WRN: variants seen among roughly 807,000 people sequenced by gnomAD.
The protein encoded by WRN is WRN RecQ like helicase.
Under a neutral mutation model 180.7 loss-of-function variants are expected in WRN, and 149 were observed. The observed-to-expected ratio is 0.82, with a 90% CI of 0.72 to 0.94. WRN has a LOEUF of 0.94. Among genes scored for constraint, WRN ranks in the 40% least tolerant of loss-of-function variants. WRN has a pLI of 0.00. For missense variants in WRN, 1,661 were observed against 1,700.1 expected (o/e 0.98, Z 0.40); for synonymous variants, 548 against 568.9 (o/e 0.96, Z 0.52).
chr8:31,059,094 G>A (rs1812384188), intron 2 of WRN, 59 bp from the exon 3 acceptor site: 7 of 1,241,120 alleles, frequency 5.6e-6, no homozygotes, highest in Admixed American at 3.4e-5. Context: ...TATTATTTCA[G>A]TGAACATTTG....
intron 11 of WRN, among the ~76,000 whole-genome samples, chr8:31,085,465 C>T: frequency 6.6e-6 from 1 of 150,554 alleles, no homozygotes. Flanking sequence ...TTCTTTGTTC[C>T]TTCTTTTTTT....
Position 31,133,527 on chromosome 8 carries a change from TA to T in WRN, c.2967+1034del, listed in dbSNP as rs991410578. ...GCGACAGAGCAAGATTCTGTCTCAA[TA>T]AAAAAAAAAAAAGAAACATATTTAT... On this transcript the variant is annotated intron_variant, in intron 24 of 34. Transcript: ENST00000298139. Among the ~76,000 whole-genome samples, 209 of 138,808 alleles carry T rather than the reference TA, an allele frequency of 1.5e-3. 1 individual carries two copies. Among genetic ancestry groups the T allele is most frequent in the Admixed American group, 1.9e-3 (26 of 13,806 alleles). The allele number at this position is 138,808 out of a possible 152,430, so 91.1% of individuals were successfully genotyped here. A position where few individuals can be genotyped will look rare whatever the true frequency, so the allele number is the denominator to read the frequency against.
intron 34 of WRN, among the ~76,000 whole-genome samples, chr8:31,168,363 C>T (rs929168739): frequency 1.1e-4 from 16 of 152,084 alleles, no homozygotes; most frequent in South Asian, 4.1e-4. Context: ...GTATAGAAAA[C>T]GGTGTAACTT....
intron 18 of WRN, among the ~76,000 whole-genome samples, chr8:31,103,727 ATT>A (rs148671126): frequency 1.3e-5 from 2 of 151,020 alleles, no homozygotes; most frequent in African/African-American, 4.9e-5. Flanking sequence ...AAGGTTCTTT[ATT>A]TTTTTTTATT....
intron 30 of WRN, 107 bp from the exon 31 acceptor site, chr8:31,150,234 A>T: frequency 1.1e-6 from 1 of 885,808 alleles, no homozygotes; most frequent in Non-Finnish European, 1.9e-6. Flanking sequence ...CTATACATTT[A>T]TTGAGAGAAT....
Position 31,137,143 on chromosome 8 carries a change from T to C in WRN, c.2968-4287T>C, listed in dbSNP as rs3793440. The stretch of plus-strand genomic sequence containing the variant: ...TGATTCCTTTAAAACAAAGATACTC[T>C]GCTTTAAAGCAAAGGTATATCATCC... On this transcript the variant is annotated intron_variant, in intron 24 of 34. Coordinates refer to ENST00000298139, the MANE Select transcript of WRN (RefSeq NM_000553.6). Among the ~76,000 whole-genome samples the C allele has an allele frequency of 6.8e-4, 104 of 152,130 alleles. 3 individuals are homozygous for C. In the East Asian group the frequency reaches 0.017, roughly 25 times the overall value.
At chr8:31,167,446 A>G (rs752093037) in intron 34 of WRN, among the ~76,000 whole-genome samples, 4 of 152,136 alleles carry the variant, frequency 2.6e-5, no homozygotes, top group African/African-American at 4.8e-5. Context: ...TTAGCTTATT[A>G]TGTAGAATGT....
At chr8:31,102,460 A>T (rs1439234646) in intron 18 of WRN, among the ~76,000 whole-genome samples, 1 of 152,218 alleles carries the variant, frequency 6.6e-6, no homozygotes, top group Admixed American at 6.5e-5. Context: ...ACAAACCTAC[A>T]TGATAAAGCT....
intron 17 of WRN, among the ~76,000 whole-genome samples, chr8:31,099,071 A>G (rs1814105903): frequency 6.6e-6 from 1 of 151,518 alleles, no homozygotes; most frequent in African/African-American, 2.4e-5. Flanking sequence ...TATGAAAGAA[A>G]GAAAGAGAGA....
intron 1 of WRN, among the ~76,000 whole-genome samples, chr8:31,054,139 A>T (rs897675991): frequency 6.6e-6 from 1 of 152,184 alleles, no homozygotes; most frequent in East Asian, 1.9e-4. Context: ...ATTGTTAAAA[A>T]GTCTTGGTCA....
chr8:31,143,449 A>G, intron 27 of WRN, 101 bp from the exon 28 acceptor site: 1 of 778,682 alleles, frequency 1.3e-6, no homozygotes, highest in East Asian at 2.6e-5. Flanking sequence ...TTGATTAGGC[A>G]AAGAAAAAAT....
At position 31,081,096 on chromosome 8, in the gene WRN, C is replaced by A. The variant is rs1813290197; in HGVS notation, c.1069C>A (p.His357Asn). The stretch of plus-strand genomic sequence containing the variant: ...CCCAACACTTGATCATTTAGCTAAA[C>A]ATGATGGAGAAGATGTACTTGGAAA... ...WDPTLDHLAK[H>N]DGEDVLGNKV... Residue 357 changes from histidine (H) to asparagine (N), a missense_variant, in exon 9 of 35, where the codon CAT becomes AAT. Coordinates refer to ENST00000298139, the MANE Select transcript of WRN (RefSeq NM_000553.6). The A allele has an allele frequency of 6.2e-7, 1 of 1,613,898 alleles. No individual in the cohort carries two copies. Among genetic ancestry groups the A allele is most frequent in the Non-Finnish European group, 8.5e-7 (1 of 1,179,952 alleles).
At chr8:31,098,920 T>TA (rs1002404401) in intron 17 of WRN, among the ~76,000 whole-genome samples, 13 of 152,134 alleles carry the variant, frequency 8.5e-5, no homozygotes, top group East Asian at 3.8e-4. Flanking sequence ...CATTCTGTTT[T>TA]AACCTATTTA....
chr8:31,047,528 G>A (rs942049343), intron 1 of WRN, among the ~76,000 whole-genome samples: 13 of 152,084 alleles, frequency 8.5e-5, no homozygotes, highest in African/African-American at 3.1e-4. Flanking sequence ...TCCTTAAAGC[G>A]CATTGGACAT....
At chr8:31,119,041 A>G (rs1425901485) in intron 20 of WRN, among the ~76,000 whole-genome samples, 1 of 151,980 alleles carries the variant, frequency 6.6e-6, no homozygotes, top group Non-Finnish European at 1.5e-5. Flanking sequence ...ACTCTTACAT[A>G]TATCAAAAAA....
chr8:31,051,944 A>G (rs919014666), intron 1 of WRN, among the ~76,000 whole-genome samples: 1 of 152,194 alleles, frequency 6.6e-6, no homozygotes, highest in African/African-American at 2.4e-5. Context: ...AAGAAGAATA[A>G]TATTTTATGA....
chr8:31,090,425 A>G (rs1471530962), intron 13 of WRN, 40 bp from the exon 14 acceptor site: 7 of 1,582,900 alleles, frequency 4.4e-6, no homozygotes, highest in African/African-American at 2.7e-5. Flanking sequence ...TGGGTTTCTT[A>G]TTAATAAAAC....
At chr8:31,151,398 C>A (rs886572130) in intron 31 of WRN, among the ~76,000 whole-genome samples, 4 of 152,140 alleles carry the variant, frequency 2.6e-5, no homozygotes, top group Non-Finnish European at 5.9e-5. Context: ...AAGTAGAAAA[C>A]CCTTCTGCTT....
chr8:31,068,420 G>A (rs577225694), intron 7 of WRN, 93 bp downstream of exon 7: 22 of 1,055,460 alleles, frequency 2.1e-5, no homozygotes, highest in Non-Finnish European at 3.0e-5. Flanking sequence ...AAAGCATTTA[G>A]TACTATAACT....
Sources: allele counts gnomAD v4.1 joint callset (sites outside exome capture counted in the v4.1 genomes callset), GRCh38; gene constraint gnomAD v4.1.1; transcripts MANE v1.5; gene names NCBI Gene and HGNC (gene_info 2026-07-23, HGNC 2026-07-21).